ADAMTSL1: variants seen among roughly 807,000 people sequenced by gnomAD.
ADAMTSL1 encodes the protein ADAMTS like 1, also known as ADAMTS-like protein 1.
A neutral mutation model predicts 201.8 loss-of-function variants in ADAMTSL1; 126 were observed. That is an observed-to-expected ratio of 0.62 (90% CI 0.54 to 0.72). ADAMTSL1 has a LOEUF of 0.72. Among genes scored for constraint, ADAMTSL1 ranks in the 30% least tolerant of loss-of-function variants. The pLI, the probability that ADAMTSL1 is intolerant of heterozygous loss-of-function variation, is 0.00. For synonymous variants in ADAMTSL1, 1,121 were observed against 903.4 expected (o/e 1.24, Z -4.32); for missense variants, 2,679 against 2,277.8 (o/e 1.18, Z -3.59).
Position 18,681,822 on chromosome 9 carries a change from C to A in ADAMTSL1, c.1352C>A (p.Thr451Lys). Residue 451 changes from threonine to lysine, a missense_variant, in exon 12 of 29, where the codon ACA becomes AAA. Thr to Lys is a moderately conservative substitution (Grantham distance 78). Transcript: ENST00000380548. ...LAQEWSPCTV[T>K]CGQGLRYRVV... ...GCAATCTCTTTCCAGTGCACAGTGA[C>A]ATGTGGCCAGGGCCTCAGATACCGT... The A allele has an allele frequency of 6.2e-7, 1 of 1,612,028 alleles. No homozygotes were observed. Among genetic ancestry groups the A allele is most frequent in the Non-Finnish European group, 8.5e-7 (1 of 1,178,812 alleles).
At chr9:18,130,160 T>C (rs954456528) in intron 1 of ADAMTSL1, among the ~76,000 whole-genome samples, 1 of 152,162 alleles carries the variant, frequency 6.6e-6, no homozygotes, top group African/African-American at 2.4e-5. Context: ...CAGCTACTTA[T>C]GCTTCTTGTC....
intron 2 of ADAMTSL1, among the ~76,000 whole-genome samples, chr9:18,356,143 T>TG (rs1836212996): frequency 6.6e-6 from 1 of 152,168 alleles, no homozygotes; most frequent in South Asian, 2.1e-4. Context: ...ATGGGGGACA[T>TG]GGGGGTGTCT....
chr9:18,114,987 G>A (rs1164222607), intron 1 of ADAMTSL1, among the ~76,000 whole-genome samples: 2 of 152,160 alleles, frequency 1.3e-5, no homozygotes, highest in Admixed American at 6.6e-5. Flanking sequence ...CAGTGAATTC[G>A]TTAGTTGTCA....
At chr9:18,021,500 G>T (rs1456629132) in intron 1 of ADAMTSL1, among the ~76,000 whole-genome samples, 1 of 152,094 alleles carries the variant, frequency 6.6e-6, no homozygotes, top group African/African-American at 2.4e-5. Context: ...TTCAGTTGGT[G>T]GTTGGAACTG....
chr9:18,319,669 C>A (rs1347415672), intron 2 of ADAMTSL1, among the ~76,000 whole-genome samples: 1 of 152,158 alleles, frequency 6.6e-6, no homozygotes, highest in Non-Finnish European at 1.5e-5. Flanking sequence ...ACTACGTTTG[C>A]TGAGATCCAT....
chr9:17,954,868 C>T (rs866218247), intron 1 of ADAMTSL1, among the ~76,000 whole-genome samples: 1 of 152,088 alleles, frequency 6.6e-6, no homozygotes, highest in South Asian at 2.1e-4. Context: ...CTACTTCTTC[C>T]AGTTCAGCTA....
chr9:18,881,442 C>G (rs1436077280), intron 23 of ADAMTSL1, among the ~76,000 whole-genome samples: 5 of 152,098 alleles, frequency 3.3e-5, no homozygotes, highest in Non-Finnish European at 4.4e-5. Context: ...GAGGTGGCCC[C>G]AGGAGAGGAA....
intron 2 of ADAMTSL1, among the ~76,000 whole-genome samples, chr9:18,274,612 T>C (rs1487406002): frequency 1.3e-5 from 2 of 151,916 alleles, no homozygotes; most frequent in East Asian, 3.9e-4. Context: ...GTCTGAAAAA[T>C]TTCAGCACCA....
chr9:18,582,341 G>A (rs1203635191), intron 4 of ADAMTSL1, among the ~76,000 whole-genome samples: 2 of 152,182 alleles, frequency 1.3e-5, no homozygotes, highest in African/African-American at 2.4e-5. Flanking sequence ...CATCCATACT[G>A]TGTTTGGAAG....
chr9:18,447,357 C>T (rs1201293215), intron 2 of ADAMTSL1, among the ~76,000 whole-genome samples: 1 of 152,060 alleles, frequency 6.6e-6, no homozygotes, highest in Non-Finnish European at 1.5e-5. Context: ...TTGGTGCTTG[C>T]TTTATTTTGT....
chr9:18,210,699 C>T (rs1041970075), intron 2 of ADAMTSL1, among the ~76,000 whole-genome samples: 14 of 151,492 alleles, frequency 9.2e-5, no homozygotes, highest in Non-Finnish European at 1.9e-4. Context: ...GGTGGTAAAA[C>T]AGCTCAAAGG....
intron 10 of ADAMTSL1, among the ~76,000 whole-genome samples, chr9:18,678,115 T>C (rs1229089020): frequency 6.6e-6 from 1 of 152,108 alleles, no homozygotes; most frequent in East Asian, 1.9e-4. Context: ...GAGAATGTAG[T>C]CTGAATAATT....
intron 1 of ADAMTSL1, among the ~76,000 whole-genome samples, chr9:18,142,196 T>A (rs1158426986): frequency 6.6e-6 from 1 of 152,204 alleles, no homozygotes; most frequent in East Asian, 1.9e-4. Context: ...AGTTACAGAA[T>A]GAGTCTGGAG....
chr9:18,544,497 C>A (rs780702576), intron 3 of ADAMTSL1, among the ~76,000 whole-genome samples: 35 of 152,172 alleles, frequency 2.3e-4, no homozygotes, highest in Non-Finnish European at 4.4e-4. Context: ...GAGATATTGT[C>A]CCCTAAATTG....
chr9:18,667,430 G>A (rs879310390), intron 9 of ADAMTSL1, among the ~76,000 whole-genome samples: 4 of 152,098 alleles, frequency 2.6e-5, no homozygotes, highest in Non-Finnish European at 5.9e-5. Context: ...CTGATGTTTA[G>A]GAGTGGGAGC....
At chr9:18,399,313 AT>A (rs2133257291) in intron 2 of ADAMTSL1, among the ~76,000 whole-genome samples, 1 of 117,330 alleles carries the variant, frequency 8.5e-6, no homozygotes, top group African/African-American at 3.2e-5. Flanking sequence ...ATATATATAT[AT>A]ATATATATAT....
intron 1 of ADAMTSL1, among the ~76,000 whole-genome samples, chr9:18,031,921 G>T (rs1820975269): frequency 6.6e-6 from 1 of 152,190 alleles, no homozygotes; most frequent in Non-Finnish European, 1.5e-5. Flanking sequence ...GCAGGGCAGT[G>T]GTGCCATAGA....
chr9:18,584,994 A>T (rs989782283), intron 4 of ADAMTSL1, among the ~76,000 whole-genome samples: 1 of 152,158 alleles, frequency 6.6e-6, no homozygotes, highest in East Asian at 1.9e-4. Flanking sequence ...ATTTCTATCA[A>T]CTGTCTCTTC....
intron 4 of ADAMTSL1, among the ~76,000 whole-genome samples, chr9:18,579,997 T>A (rs1822994777): frequency 1.3e-5 from 2 of 152,164 alleles, no homozygotes; most frequent in South Asian, 4.1e-4. Flanking sequence ...GAGAAAAGTA[T>A]GTTTTATTTT....
Sources: gnomAD v4.1 joint callset for allele counts (sites outside exome capture counted in the v4.1 genomes callset) on GRCh38, gnomAD v4.1.1 for gene constraint, MANE v1.5 for transcripts, NCBI Gene and HGNC (gene_info 2026-07-23, HGNC 2026-07-21) for gene names.